Variants in RBFOX1 observed in about 807,000 individuals in gnomAD.
RBFOX1 encodes the protein RNA binding protein fox-1 homolog 1.
A neutral mutation model predicts 57.7 loss-of-function variants in RBFOX1; 8 were observed. That is an observed-to-expected ratio of 0.14 (90% CI 0.08 to 0.25). The LOEUF is 0.25. Ranked by LOEUF, RBFOX1 falls within the 10% of genes least tolerant of loss-of-function variation. RBFOX1 has a pLI of 1.00. For missense variants in RBFOX1, 611 were observed against 548.5 expected, an observed-to-expected ratio of 1.11 and a Z score of -1.14; for synonymous variants, 326 against 222.4, an observed-to-expected ratio of 1.47 and a Z score of -4.15.
chr16:6,496,801 A>C (rs1383096573), intron 2 of RBFOX1, among the ~76,000 whole-genome samples: 12 of 152,050 alleles, frequency 7.9e-5, no homozygotes, highest in Admixed American at 7.9e-4. Flanking sequence ...CTCTACTAAA[A>C]ACACAAAAAT....
At chr16:5,404,465 G>A (rs779412838) in intron 1 of RBFOX1, among the ~76,000 whole-genome samples, 28 of 152,200 alleles carry the variant, frequency 1.8e-4, no homozygotes, top group Admixed American at 1.8e-3. Flanking sequence ...CTCCCGATCA[G>A]TGATCTCTGT....
intron 4 of RBFOX1, among the ~76,000 whole-genome samples, chr16:7,313,247 A>G (rs952759375): frequency 2.0e-5 from 3 of 152,038 alleles, no homozygotes; most frequent in South Asian, 2.1e-4. Flanking sequence ...AAACTATGCA[A>G]TTTTTTGTTT....
rs558853693 is a variant in RBFOX1, at chr16:6,986,848, A to C, written c.-15-65209A>C. Reference sequence around the variant, plus strand: ...TATGTTTCACTTGTCTTGGTTGATGATTTATTATAATCCCATCTTAGAATC... The same window carrying C: ...TATGTTTCACTTGTCTTGGTTGATGCTTTATTATAATCCCATCTTAGAATC... On this transcript the variant is annotated intron_variant, in intron 3 of 15. Coordinates refer to ENST00000550418, the MANE Select transcript of RBFOX1 (RefSeq NM_018723.4). 4.6e-5 allele frequency among the ~76,000 whole-genome samples: 7 copies of C among 152,220 alleles called. No homozygotes were observed. In the South Asian group the frequency reaches 1.2e-3, roughly 27 times the overall value.
At position 5,301,225 on chromosome 16, in the gene RBFOX1, A is replaced by G. The variant is rs560809104; in HGVS notation, c.219+61120A>G. ...ATGGAAGCCAGCTACCACCATGGAG[A>G]GGTTCACATGGCAGGGAATTGAGGG... is the stretch of plus-strand genomic sequence containing the variant. On this transcript the variant is annotated intron_variant, in intron 1 of 2. Coordinates refer to the RBFOX1 transcript ENST00000585867. 4.6e-5 allele frequency among the ~76,000 whole-genome samples: 7 copies of G among 152,196 alleles called. No homozygotes were observed. The East Asian group carries it at 1.2e-3, about 25-fold the overall frequency.
At chr16:7,063,062 A>T (rs2054976819) in intron 4 of RBFOX1, among the ~76,000 whole-genome samples, 1 of 152,024 alleles carries the variant, frequency 6.6e-6, no homozygotes, top group South Asian at 2.1e-4. Context: ...CCAACTCTTC[A>T]TCATACCCTG....
At chr16:5,951,605 A>G (rs1199776225) in intron 4 of RBFOX1, among the ~76,000 whole-genome samples, 1 of 151,990 alleles carries the variant, frequency 6.6e-6, no homozygotes, top group Non-Finnish European at 1.5e-5. Context: ...GCGTAATGTT[A>G]AAAAGAGTAC....
chr16:6,794,967 G>C (rs569409797), intron 3 of RBFOX1, among the ~76,000 whole-genome samples: 16 of 152,244 alleles, frequency 1.1e-4, no homozygotes, highest in African/African-American at 3.6e-4. Flanking sequence ...TAAATCACCA[G>C]TTTTTAAACA....
intron 9 of RBFOX1, among the ~76,000 whole-genome samples, chr16:7,604,693 CCT>C (rs1035624274): frequency 1.3e-5 from 2 of 152,054 alleles, no homozygotes; most frequent in Admixed American, 1.3e-4. Flanking sequence ...GCCTCAAATG[CCT>C]CTGAGAGATC....
At chr16:7,486,364 C>G (rs1047533943) in intron 4 of RBFOX1, among the ~76,000 whole-genome samples, 2 of 151,912 alleles carry the variant, frequency 1.3e-5, no homozygotes, top group African/African-American at 4.8e-5. Context: ...AACACCTGAC[C>G]TCGAGTGATC....
intron 12 of RBFOX1, among the ~76,000 whole-genome samples, chr16:7,661,789 G>A (rs191120319): frequency 2.0e-5 from 3 of 152,154 alleles, no homozygotes; most frequent in African/African-American, 7.2e-5. Context: ...CAATGAGAAA[G>A]CTACACTAGT....
chr16:7,105,706 A>T (rs1356196763), intron 4 of RBFOX1, among the ~76,000 whole-genome samples: 1 of 151,960 alleles, frequency 6.6e-6, no homozygotes, highest in Non-Finnish European at 1.5e-5. Flanking sequence ...ATATATATCT[A>T]TCTATATATG....
intron 3 of RBFOX1, among the ~76,000 whole-genome samples, chr16:5,834,714 GATAC>G (rs371545584): frequency 0.08 from 10,246 of 127,456 alleles, 717 homozygotes; most frequent in African/African-American, 0.21. Flanking sequence ...TAGATAGATA[GATAC>G]ATAGATACAT....
chr16:7,202,235 A>G (rs927237016), intron 4 of RBFOX1, among the ~76,000 whole-genome samples: 4 of 152,024 alleles, frequency 2.6e-5, no homozygotes, highest in Admixed American at 1.3e-4. Flanking sequence ...ATTAATCATT[A>G]GAGAAAAGAC....
intron 4 of RBFOX1, among the ~76,000 whole-genome samples, chr16:6,003,783 G>C (rs558659533): frequency 3.6e-4 from 55 of 152,196 alleles, no homozygotes; most frequent in Non-Finnish European, 6.3e-4. Flanking sequence ...AAATGCCTCA[G>C]GAACCACACA....
chr16:5,365,642 TGGGTGACG>T (rs2065691153), intron 1 of RBFOX1, among the ~76,000 whole-genome samples: 1 of 152,160 alleles, frequency 6.6e-6, no homozygotes, highest in African/African-American at 2.4e-5. Flanking sequence ...TACTCCAGCC[TGGGTGACG>T]GAGTAAGACC....
At chr16:6,106,774 C>T (rs1353326404) in intron 1 of RBFOX1, among the ~76,000 whole-genome samples, 2 of 152,096 alleles carry the variant, frequency 1.3e-5, no homozygotes, top group African/African-American at 2.4e-5. Context: ...TTCATGCCAT[C>T]CTTCTGCCTC....
intron 3 of RBFOX1, among the ~76,000 whole-genome samples, chr16:6,795,685 G>A (rs549909413): frequency 6.6e-6 from 1 of 151,540 alleles, no homozygotes; most frequent in African/African-American, 2.4e-5. Context: ...AGAATCGCTT[G>A]AAACCAGAAG....
chr16:5,343,356 C>G (rs927572547), intron 1 of RBFOX1, among the ~76,000 whole-genome samples: 2 of 145,412 alleles, frequency 1.4e-5, no homozygotes, highest in African/African-American at 5.1e-5. Context: ...ACTCCATTGC[C>G]CAGGCTGGAG....
intron 3 of RBFOX1, among the ~76,000 whole-genome samples, chr16:5,628,363 C>A (rs1004242057): frequency 4.6e-5 from 7 of 152,006 alleles, no homozygotes; most frequent in African/African-American, 1.7e-4. Flanking sequence ...TTTTATTGGA[C>A]CCTCTGTATC....
Sources: allele counts gnomAD v4.1 joint callset (sites outside exome capture counted in the v4.1 genomes callset), GRCh38; gene constraint gnomAD v4.1.1; transcripts MANE v1.5; gene names NCBI Gene and HGNC (gene_info 2026-07-23, HGNC 2026-07-21).